The following DENND1B variants were observed in gnomAD, a reference collection of about 807,000 sequenced individuals.
The protein encoded by DENND1B is DENN domain containing 1B.
A neutral mutation model predicts 90.1 loss-of-function variants in DENND1B; 59 were observed. That is an observed-to-expected ratio of 0.65 (90% CI 0.53 to 0.81). DENND1B has a LOEUF of 0.81. Ranked by LOEUF, DENND1B falls within the 40% of genes least tolerant of loss-of-function variation. The pLI, the probability that DENND1B is intolerant of heterozygous loss-of-function variation, is 0.00. For synonymous variants in DENND1B, 337 were observed against 324.6 expected (o/e 1.04, Z -0.41); for missense variants, 862 against 912.6 (o/e 0.94, Z 0.71).
At chr1:197,674,915 A>C (rs1572278228) in intron 3 of DENND1B, among the ~76,000 whole-genome samples, 1 of 152,248 alleles carries the variant, frequency 6.6e-6, no homozygotes, top group Non-Finnish European at 1.5e-5. Context: ...ACAGTCATTA[A>C]AAATAATTTC....
chr1:197,775,378 G>A lies in DENND1B; in HGVS notation c.-223C>T. On this transcript the variant is annotated 5_prime_UTR_variant, in exon 1 of 23. Transcript: ENST00000620048. ...AGAGCCTTTCTGTGACAGCAGCGGT[G>A]GCGTGGCCGCCGCCCCCGTCTCCGC... 3.0e-6 allele frequency: 1 copy of A among 338,644 alleles called. No homozygotes were observed. Among genetic ancestry groups the A allele is most frequent in the Middle Eastern group, 8.1e-4 (1 of 1,236 alleles). The allele number at this position is 338,644 out of a possible 1,614,324, so 21.0% of individuals were successfully genotyped here.
intron 14 of DENND1B, among the ~76,000 whole-genome samples, chr1:197,594,300 G>T (rs1675492247): frequency 6.6e-6 from 1 of 152,112 alleles, no homozygotes; most frequent in Admixed American, 6.5e-5. Context: ...ATTCACATTT[G>T]CTTAGTGCCT....
rs1362625390 is a variant in DENND1B, at chr1:197,626,755, G to A, written c.673-8996C>T. The stretch of plus-strand genomic sequence containing the variant: ...GAATCCAGGAGCTGGTTTTTTGAAA[G>A]GATCAACAAAATTGATAGACCGCTA... On this transcript the variant is annotated intron_variant, in intron 10 of 22. Transcript: ENST00000620048. Among the ~76,000 whole-genome samples the A allele has an allele frequency of 3.3e-5, 5 of 151,750 alleles. No individual in the cohort carries two copies. In the East Asian group the frequency reaches 9.7e-4, roughly 29 times the overall value.
chr1:197,717,573 C>T (rs1660763349), intron 2 of DENND1B, among the ~76,000 whole-genome samples: 2 of 151,770 alleles, frequency 1.3e-5, no homozygotes, highest in African/African-American at 4.8e-5. Context: ...GATAATGTTA[C>T]AGCATAGTAA....
chr1:197,660,494 G>A (rs1046678894), intron 5 of DENND1B, among the ~76,000 whole-genome samples: 5 of 152,024 alleles, frequency 3.3e-5, no homozygotes, highest in Admixed American at 6.6e-5. Flanking sequence ...AAGAATGACT[G>A]GAAATTTTCC....
chr1:197,754,623 G>A (rs1235462905), intron 2 of DENND1B, among the ~76,000 whole-genome samples: 8 of 119,170 alleles, frequency 6.7e-5, no homozygotes, highest in Admixed American at 1.2e-4. Context: ...GTGCTACGCC[G>A]CACTCTAGCC....
intron 3 of DENND1B, among the ~76,000 whole-genome samples, chr1:197,687,575 C>T (rs1196248328): frequency 6.6e-6 from 1 of 152,116 alleles, no homozygotes; most frequent in East Asian, 1.9e-4. Flanking sequence ...TCTTCAAGAT[C>T]TCTTAATAGA....
At position 197,507,517 on chromosome 1, in the gene DENND1B, A is replaced by G. The variant is rs952450307; in HGVS notation, c.*2943T>C. 6.6e-6 allele frequency: 1 copy of G among 151,510 alleles called. No homozygotes were observed. The highest frequency in any genetic ancestry group is 1.5e-5 in the Non-Finnish European group (1 of 67,610). 9.4% of individuals were successfully genotyped at this position (151,510 alleles called of 1,614,324 possible). A position where few individuals can be genotyped will look rare whatever the true frequency, so the allele number is the denominator to read the frequency against. ...CTGAAATACCACGGATGCAATATCT[A>G]AGGGTAAAAAGAAAAAAGTGAGAGT... is the stretch of plus-strand genomic sequence containing the variant. On this transcript the variant is annotated 3_prime_UTR_variant, in exon 23 of 23. Transcript: ENST00000620048.
At chr1:197,577,020 T>C (rs531343147) in intron 15 of DENND1B, among the ~76,000 whole-genome samples, 83 of 152,196 alleles carry the variant, frequency 5.5e-4, no homozygotes, top group African/African-American at 2.0e-3. Context: ...GGCTCTTGGA[T>C]TGACACACTA....
chr1:197,626,824 GA>G lies in DENND1B; in HGVS notation c.673-9066del, dbSNP rs1034110845. Among the ~76,000 whole-genome samples the G allele has an allele frequency of 1.0e-3, 155 of 151,004 alleles. 1 individual carries two copies. Among genetic ancestry groups the G allele is most frequent in the Non-Finnish European group, 1.8e-3 (124 of 67,504 alleles). ...AAAAGAGAGAAGAATCAAATAGATG[GA>G]AAAAAAATGATAAAGAGGATATCAC... is the stretch of plus-strand genomic sequence containing the variant. On this transcript the variant is annotated intron_variant, in intron 10 of 22. Transcript: ENST00000620048.
intron 3 of DENND1B, among the ~76,000 whole-genome samples, chr1:197,706,420 A>G (rs1659541208): frequency 6.6e-6 from 1 of 152,240 alleles, no homozygotes; most frequent in Non-Finnish European, 1.5e-5. Flanking sequence ...AGAAGCAGAA[A>G]TAGACAAATG....
chr1:197,571,770 A>G (rs2125735136), intron 15 of DENND1B, among the ~76,000 whole-genome samples: 1 of 152,348 alleles, frequency 6.6e-6, no homozygotes, highest in South Asian at 2.1e-4. Context: ...TGAATAAACA[A>G]ATAAAATGTG....
chr1:197,640,210 C>T (rs12090451), intron 10 of DENND1B, among the ~76,000 whole-genome samples: 16,880 of 152,124 alleles, frequency 0.11, 1,599 homozygotes, highest in East Asian at 0.44. Context: ...CGGTGGCTCA[C>T]GCCTGTAATC....
chr1:197,715,875 A>G (rs1660597468), intron 2 of DENND1B, among the ~76,000 whole-genome samples: 1 of 151,886 alleles, frequency 6.6e-6, no homozygotes, highest in Admixed American at 6.6e-5. Context: ...TGTCAAAAAT[A>G]AACTTCTGAA....
chr1:197,551,564 C>T (rs993041464), intron 16 of DENND1B, among the ~76,000 whole-genome samples: 3 of 152,070 alleles, frequency 2.0e-5, no homozygotes, highest in African/African-American at 7.2e-5. Context: ...AGAAAAGCCA[C>T]CTATCTCTAC....
At chr1:197,653,475 CT>C (rs1270415537) in intron 6 of DENND1B, among the ~76,000 whole-genome samples, 1 of 152,022 alleles carries the variant, frequency 6.6e-6, no homozygotes, top group African/African-American at 2.4e-5. Flanking sequence ...ATTCTTTGCA[CT>C]TTCTTACATT....
chr1:197,671,840 G>T (rs74420582), intron 5 of DENND1B, among the ~76,000 whole-genome samples, 197 bp downstream of exon 5: 1 of 151,702 alleles, frequency 6.6e-6, no homozygotes, highest in Non-Finnish European at 1.5e-5. Flanking sequence ...TTAAAAAATC[G>T]ATTATTTCAA....
chr1:197,677,160 T>G (rs1384416827), intron 3 of DENND1B, among the ~76,000 whole-genome samples: 1 of 152,162 alleles, frequency 6.6e-6, no homozygotes, highest in Non-Finnish European at 1.5e-5. Context: ...TCAACCACTT[T>G]TGTCCTCCAC....
chr1:197,735,539 C>A (rs368088897), intron 2 of DENND1B: 8 of 1,612,904 alleles, frequency 5.0e-6, no homozygotes, highest in South Asian at 1.1e-5. Flanking sequence ...TGAAACATTC[C>A]ATTTACAAAG....
Sources: gnomAD v4.1 joint callset for allele counts (sites outside exome capture counted in the v4.1 genomes callset) on GRCh38, gnomAD v4.1.1 for gene constraint, MANE v1.5 for transcripts, NCBI Gene and HGNC (gene_info 2026-07-23, HGNC 2026-07-21) for gene names.